TRMT44: variants seen among roughly 807,000 people sequenced by gnomAD.
TRMT44 encodes the protein probable tRNA (uracil-O(2)-)-methyltransferase.
TRMT44 carries 78 observed loss-of-function variants against 77.3 expected under a neutral mutation model. The observed-to-expected ratio is 1.01, with a 90% CI of 0.84 to 1.22. The LOEUF is 1.22. Among genes scored for constraint, TRMT44 ranks in the 50% most tolerant of loss-of-function variants. The pLI is 0.00. For missense variants in TRMT44, 1,090 were observed against 964.4 expected, an observed-to-expected ratio of 1.13 and a Z score of -1.73; for synonymous variants, 391 against 383.3, an observed-to-expected ratio of 1.02 and a Z score of -0.23.
At chr4:8,456,497 G>C (rs775793818) in intron 6 of TRMT44, among the ~76,000 whole-genome samples, 1 of 150,874 alleles carries the variant, frequency 6.6e-6, no homozygotes, top group Non-Finnish European at 1.5e-5. Context: ...AGCTGCAGTT[G>C]CCCACCATTT....
At chr4:8,487,885 G>A (rs907407377) in intron 2 of TRMT44, among the ~76,000 whole-genome samples, 12 of 152,274 alleles carry the variant, frequency 7.9e-5, no homozygotes, top group East Asian at 5.8e-4. Context: ...TCAGAGAGGC[G>A]TCCCTGCAAT....
rs1727381407 is a variant in TRMT44, at chr4:8,476,285, A to G, written c.*284A>G. 1.1e-5 allele frequency: 5 copies of G among 469,366 alleles called. No homozygotes were observed. The highest frequency in any genetic ancestry group is 2.3e-5 in the South Asian group (1 of 42,684). 29.1% of individuals were successfully genotyped at this position (469,366 alleles called of 1,614,324 possible). ...ATAAAGATTGTGCACGGATCCTTAC[A>G]ATGTCTCCTGGGGGAGAGCGGCTGA... is the stretch of plus-strand genomic sequence containing the variant. On this transcript the variant is annotated 3_prime_UTR_variant, in exon 11 of 11. Transcript: ENST00000389737.
At chr4:8,465,031 C>G (rs1480213056) in intron 7 of TRMT44, among the ~76,000 whole-genome samples, 2 of 152,088 alleles carry the variant, frequency 1.3e-5, no homozygotes, top group Non-Finnish European at 2.9e-5. Flanking sequence ...ACAGGGACAT[C>G]AAGATGGCAG....
At chr4:8,487,559 G>C (rs1294191527) in intron 2 of TRMT44, among the ~76,000 whole-genome samples, 8 of 151,806 alleles carry the variant, frequency 5.3e-5, no homozygotes, top group Non-Finnish European at 1.2e-4. Flanking sequence ...TGGAAATAAG[G>C]GATCGGGGTG....
At chr4:8,506,174 A>T in the TRMT44 span, among the ~76,000 whole-genome samples, 1 of 152,178 alleles carries the variant, frequency 6.6e-6, no homozygotes, top group African/African-American at 2.4e-5. Context: ...TCTCATGGGG[A>T]CATTCACAAG....
At chr4:8,466,977 C>T (rs1726603661) in intron 8 of TRMT44, among the ~76,000 whole-genome samples, 1 of 152,320 alleles carries the variant, frequency 6.6e-6, no homozygotes, top group East Asian at 1.9e-4. Context: ...TTATCACCCG[C>T]GCCTGGCCTT....
the TRMT44 span, chr4:8,509,529 G>A: frequency 6.5e-6 from 1 of 152,756 alleles, no homozygotes. Flanking sequence ...CCTTGCAGGG[G>A]GCACTCCCAG....
rs986675464 is a variant in TRMT44, at chr4:8,451,188, C to T, written c.955-772C>T. ...CCTGTGGGTCCCCGGGGTTGGCTGA[C>T]TGAGGCTGGGCTCCCTCCCACATCC... On this transcript the variant is annotated intron_variant, in intron 3 of 10. Transcript: ENST00000389737. The surrounding 1 kb of genome is among the most constrained non-coding windows in gnomAD (Gnocchi z 4.1). Among the ~76,000 whole-genome samples, 1 of 152,144 alleles carries T rather than the reference C, an allele frequency of 6.6e-6. No individual in the cohort carries two copies. The highest frequency in any genetic ancestry group is 1.5e-5 in the Non-Finnish European group (1 of 68,024).
chr4:8,480,321 C>T (rs908322079), downstream of TRMT44, among the ~76,000 whole-genome samples: 5 of 152,146 alleles, frequency 3.3e-5, no homozygotes, highest in African/African-American at 1.2e-4. Flanking sequence ...AGCATTTGAC[C>T]TTTTGACTTG....
intron 1 of TRMT44, among the ~76,000 whole-genome samples, chr4:8,443,292 C>T (rs933273282): frequency 2.0e-5 from 3 of 152,344 alleles, no homozygotes; most frequent in East Asian, 1.9e-4. Context: ...GTGTAGACTT[C>T]GCTGAACAGA....
At chr4:8,486,705 G>A (rs1481857324) in intron 2 of TRMT44, among the ~76,000 whole-genome samples, 1 of 152,132 alleles carries the variant, frequency 6.6e-6, no homozygotes, top group East Asian at 1.9e-4. Context: ...AAAGAAAAAG[G>A]AGCATTAACC....
intron 10 of TRMT44, among the ~76,000 whole-genome samples, chr4:8,471,422 G>T (rs372544426): frequency 1.3e-5 from 2 of 152,172 alleles, no homozygotes; most frequent in Non-Finnish European, 2.9e-5. Flanking sequence ...CGTCCCATGC[G>T]ATGTCCCCAG....
At position 8,476,447 on chromosome 4, in the gene TRMT44, C is replaced by T; in HGVS notation, c.*446C>T. 1 of 172,252 alleles carries T rather than the reference C, an allele frequency of 5.8e-6. No individual in the cohort carries two copies. The highest frequency in any genetic ancestry group is 1.3e-5 in the Non-Finnish European group (1 of 79,566). The allele number at this position is 172,252 out of a possible 1,614,324, so 10.7% of individuals were successfully genotyped here. A position where few individuals can be genotyped will look rare whatever the true frequency, so the allele number is the denominator to read the frequency against. On this transcript the variant is annotated 3_prime_UTR_variant, in exon 11 of 11. Coordinates refer to ENST00000389737, the MANE Select transcript of TRMT44 (RefSeq NM_152544.3). ...TTCTCACCACACTGGAGAGCAGCTG[C>T]TCTGGAGCAGGGATCCACCAGATTG...
Position 8,459,765 on chromosome 4 carries a change from C to T in TRMT44, c.1204-4220C>T, listed in dbSNP as rs369336900. Among the ~76,000 whole-genome samples the T allele has an allele frequency of 4.3e-4, 65 of 152,272 alleles. No individual in the cohort carries two copies. The East Asian group carries it at 7.7e-3, about 18-fold the overall frequency. ...ACATATTTGAGTGTCCCCTACCTGC[C>T]GGGCACTCTTAGGTGCTGACGATTT... On this transcript the variant is annotated intron_variant, in intron 6 of 10. Transcript: ENST00000389737.
At chr4:8,464,618 A>G (rs1726398888) in intron 7 of TRMT44, among the ~76,000 whole-genome samples, 1 of 152,200 alleles carries the variant, frequency 6.6e-6, no homozygotes, top group African/African-American at 2.4e-5. Context: ...AGCTGTTTTC[A>G]TTCTCAAGGA....
chr4:8,449,949 C>CTTTTAT, intron 3 of TRMT44, 61 bp downstream of exon 3: 7 of 238,684 alleles, frequency 2.9e-5, no homozygotes, highest in South Asian at 6.0e-5. Context: ...CTTTTCTTTT[C>CTTTTAT]TTTTTTTTTT....
downstream of TRMT44, among the ~76,000 whole-genome samples, chr4:8,481,078 A>G (rs772994125): frequency 6.6e-6 from 1 of 152,156 alleles, no homozygotes; most frequent in African/African-American, 2.4e-5. Flanking sequence ...GTTGTCATCT[A>G]TTGTCTCTAA....
chr4:8,446,310 G>A lies in TRMT44; in HGVS notation c.620-166G>A, dbSNP rs576457056. 6.6e-6 allele frequency among the ~76,000 whole-genome samples: 1 copy of A among 152,348 alleles called. No homozygotes were observed. Among genetic ancestry groups the A allele is most frequent in the South Asian group, 2.1e-4 (1 of 4,834 alleles). On this transcript the variant is annotated intron_variant, in intron 1 of 10. Coordinates refer to ENST00000389737, the MANE Select transcript of TRMT44 (RefSeq NM_152544.3). The surrounding 1 kb of genome is among the most constrained non-coding windows in gnomAD (Gnocchi z 4.3). ...CCTGGCACATTCTAGGCTGTGGGCT[G>A]TAGCAGTGAATGAAAGGCAAAAGTT...
chr4:8,489,722 C>T (rs527280840), intron 2 of TRMT44, among the ~76,000 whole-genome samples: 3 of 152,290 alleles, frequency 2.0e-5, no homozygotes, highest in African/African-American at 7.2e-5. Context: ...AGGTGATCAG[C>T]CTGCCTTGGC....
Sources: allele counts gnomAD v4.1 joint callset (sites outside exome capture counted in the v4.1 genomes callset), GRCh38; gene constraint gnomAD v4.1.1; non-coding constraint Gnocchi (gnomAD v3.1); transcripts MANE v1.5; gene names NCBI Gene and HGNC (gene_info 2026-07-23, HGNC 2026-07-21).